PDE1C: variants seen among roughly 807,000 people sequenced by gnomAD.
PDE1C encodes phosphodiesterase 1C.
Under a neutral mutation model 93.1 loss-of-function variants are expected in PDE1C, and 62 were observed. The observed-to-expected ratio is 0.67, with a 90% CI of 0.54 to 0.82. The LOEUF (loss-of-function observed/expected upper bound fraction) is 0.82, where lower values mean the gene tolerates loss of function less well. Ranked by LOEUF, PDE1C falls within the 40% of genes least tolerant of loss-of-function variation. The probability of loss-of-function intolerance (pLI) is 0.00; values close to 1 mark genes in which losing one functional copy is unlikely to be tolerated. For missense variants in PDE1C, 742 were observed against 884.6 expected (o/e 0.84, Z 2.04); for synonymous variants, 325 against 310.1 (o/e 1.05, Z -0.50).
intron 1 of PDE1C, among the ~76,000 whole-genome samples, chr7:32,369,461 C>T (rs1438094366): frequency 6.6e-6 from 1 of 152,086 alleles, no homozygotes; most frequent in Non-Finnish European, 1.5e-5. Flanking sequence ...GTTAGTATGG[C>T]TGTTATCAAA....
the PDE1C span, chr7:31,643,895 C>T: frequency 6.2e-7 from 1 of 1,613,862 alleles, no homozygotes; most frequent in Non-Finnish European, 8.5e-7. Flanking sequence ...CACCAGGAAG[C>T]CCAGTTCATG....
intron 7 of PDE1C, among the ~76,000 whole-genome samples, chr7:31,854,389 C>A (rs1023619163): frequency 2.6e-5 from 4 of 152,062 alleles, no homozygotes; most frequent in Non-Finnish European, 5.9e-5. Flanking sequence ...AATTAAAGTC[C>A]CACTGGTATT....
At chr7:31,633,993 A>ACCAGC in the PDE1C span, among the ~76,000 whole-genome samples, 1 of 152,158 alleles carries the variant, frequency 6.6e-6, no homozygotes, top group Admixed American at 6.6e-5. Flanking sequence ...TTATTACCAG[A>ACCAGC]CCAGCCCAGC....
intron 2 of PDE1C, among the ~76,000 whole-genome samples, chr7:31,968,324 C>A (rs976227968): frequency 4.6e-5 from 7 of 152,052 alleles, no homozygotes; most frequent in African/African-American, 1.7e-4. Context: ...AACAGACAAA[C>A]AGAGAGCCAA....
Position 31,790,797 on chromosome 7 carries a change from G to C in PDE1C, c.1892-15065C>G, listed in dbSNP as rs567532776. Among the ~76,000 whole-genome samples the C allele has an allele frequency of 5.9e-5, 9 of 152,208 alleles. No individual in the cohort carries two copies. In the East Asian group the frequency reaches 1.5e-3, roughly 26 times the overall value. ...AGTTCTCCACTGGACCCAGAGCAAG[G>C]GGGTGGAGGAAGACGACAAAGATGG... On this transcript the variant is annotated intron_variant, in intron 16 of 17. Coordinates refer to ENST00000396191, the MANE Select transcript of PDE1C (RefSeq NM_001191057.4).
intron 2 of PDE1C, among the ~76,000 whole-genome samples, chr7:31,890,205 G>A (rs1798458369): frequency 6.6e-6 from 1 of 152,218 alleles, no homozygotes; most frequent in Admixed American, 6.5e-5. Flanking sequence ...CTGGGGAGAG[G>A]GAAGCAGTTA....
intron 1 of PDE1C, among the ~76,000 whole-genome samples, chr7:32,243,378 G>C (rs1247350328): frequency 6.6e-6 from 1 of 152,188 alleles, no homozygotes; most frequent in Admixed American, 6.5e-5. Flanking sequence ...AGCAGCTTGG[G>C]GTGATGCTTG....
At chr7:31,950,019 C>A (rs1455735794) in intron 2 of PDE1C, among the ~76,000 whole-genome samples, 1 of 152,172 alleles carries the variant, frequency 6.6e-6, no homozygotes, top group African/African-American at 2.4e-5. Flanking sequence ...TCAGCTTTCA[C>A]AGAAGAAGTA....
At chr7:32,104,756 C>T (rs6961516) in intron 3 of PDE1C, among the ~76,000 whole-genome samples, 49,027 of 151,962 alleles carry the variant, frequency 0.32, 8,678 homozygotes, top group Non-Finnish European at 0.4. Context: ...CGGTGCTACA[C>T]GCATGTATTA....
At chr7:31,860,252 A>G (rs1429237491) in intron 7 of PDE1C, among the ~76,000 whole-genome samples, 1 of 152,152 alleles carries the variant, frequency 6.6e-6, no homozygotes, top group Admixed American at 6.6e-5. Flanking sequence ...ATTGGTTGTC[A>G]TAACTGGAGT....
intron 1 of PDE1C, among the ~76,000 whole-genome samples, chr7:32,254,288 T>G (rs971420032): frequency 1.3e-5 from 2 of 152,102 alleles, no homozygotes; most frequent in East Asian, 3.9e-4. Context: ...GTTATGCAGG[T>G]GAGGACCAAG....
chr7:32,358,414 C>T (rs1784071115), intron 1 of PDE1C, among the ~76,000 whole-genome samples: 1 of 152,206 alleles, frequency 6.6e-6, no homozygotes, highest in South Asian at 2.1e-4. Context: ...TCTCAAGCTG[C>T]AGTGTGTTCA....
chr7:32,012,327 AC>A (rs755218840), intron 2 of PDE1C, among the ~76,000 whole-genome samples: 3 of 152,150 alleles, frequency 2.0e-5, no homozygotes, highest in Admixed American at 1.3e-4. Flanking sequence ...GGGTGGAGAT[AC>A]CAGACTGTTT....
the PDE1C span, among the ~76,000 whole-genome samples, chr7:31,690,489 T>C: frequency 6.6e-6 from 1 of 152,204 alleles, no homozygotes; most frequent in African/African-American, 2.4e-5. Flanking sequence ...AGACTTAACT[T>C]GTGTGGAGAG....
At chr7:31,694,552 G>A in the PDE1C span, among the ~76,000 whole-genome samples, 3 of 152,026 alleles carry the variant, frequency 2.0e-5, no homozygotes, top group Non-Finnish European at 4.4e-5. Flanking sequence ...CCATTTAACC[G>A]TTCAACATCC....
At chr7:31,865,926 C>T (rs748051403) in intron 6 of PDE1C, among the ~76,000 whole-genome samples, 33 of 152,232 alleles carry the variant, frequency 2.2e-4, no homozygotes, top group Admixed American at 5.9e-4. Flanking sequence ...TATTTCTCAA[C>T]GAATAAAATA....
At chr7:32,242,767 C>T (rs1448125410) in intron 1 of PDE1C, among the ~76,000 whole-genome samples, 1 of 152,082 alleles carries the variant, frequency 6.6e-6, no homozygotes, top group Non-Finnish European at 1.5e-5. Flanking sequence ...GCTTGGGGGC[C>T]ATGGGAGAAT....
rs547472993 is a variant in PDE1C at position 31,776,997 on chromosome 7, G to A, written c.1892-1265C>T. Among the ~76,000 whole-genome samples, 7 of 107,900 alleles carry A rather than the reference G, an allele frequency of 6.5e-5. No homozygotes were observed. In the East Asian group the frequency reaches 1.3e-3, roughly 20 times the overall value. 70.8% of individuals were successfully genotyped at this position (107,900 alleles called of 152,430 possible). ...TAACAAAAGAATCAGTTTGTGGGGT[G>A]GGGGGAGGGGGGAGGGATAGCATTA... On this transcript the variant is annotated intron_variant, in intron 16 of 17. Transcript: ENST00000396191.
chr7:31,752,989 T>C lies in PDE1C; in HGVS notation c.*395A>G, dbSNP rs1251218627. The C allele has an allele frequency of 6.5e-6, 1 of 153,536 alleles. No homozygotes were observed. Among genetic ancestry groups the C allele is most frequent in the Non-Finnish European group, 1.4e-5 (1 of 69,006 alleles). 9.5% of individuals were successfully genotyped at this position (153,536 alleles called of 1,614,324 possible). ...TGTTTTTATCAGTGCATTTCTTAAATATGATGATTATTAAACCAATATTCT... is the reference window on the plus strand; with the variant it reads ...TGTTTTTATCAGTGCATTTCTTAAACATGATGATTATTAAACCAATATTCT... On this transcript the variant is annotated 3_prime_UTR_variant, in exon 18 of 18. Transcript: ENST00000396191.
Sources: allele counts gnomAD v4.1 joint callset (sites outside exome capture counted in the v4.1 genomes callset), GRCh38; gene constraint gnomAD v4.1.1; transcripts MANE v1.5; gene names NCBI Gene and HGNC (gene_info 2026-07-23, HGNC 2026-07-21).